PMP22: variants seen among roughly 807,000 people sequenced by gnomAD.
PMP22 encodes the protein Charcot-Marie-Tooth neuropathy 1A (greatly reduced nerve conduction velocity, hereditary motor sensory neuropathy Ia).
PMP22 carries 2 observed loss-of-function variants against 18.9 expected under a neutral mutation model. The observed-to-expected ratio is 0.11, with a 90% CI of 0.04 to 0.33. The LOEUF is 0.33. PMP22 is among the 10% of genes least tolerant of loss of function. The probability of loss-of-function intolerance (pLI) is 1.00; values close to 1 mark genes in which losing one functional copy is unlikely to be tolerated. For missense variants in PMP22, 169 were observed against 202.2 expected, an observed-to-expected ratio of 0.84 and a Z score of 1.00; for synonymous variants, 95 against 89.2, an observed-to-expected ratio of 1.07 and a Z score of -0.37.
intron 3 of PMP22, among the ~76,000 whole-genome samples, chr17:15,249,745 G>A (rs1438203133): frequency 6.6e-6 from 1 of 152,194 alleles, no homozygotes; most frequent in East Asian, 1.9e-4. Flanking sequence ...GAGTCATCGT[G>A]TAGAGGAGAG....
At chr17:15,249,740 A>G (rs1908156962) in intron 3 of PMP22, among the ~76,000 whole-genome samples, 1 of 152,172 alleles carries the variant, frequency 6.6e-6, no homozygotes, top group Admixed American at 6.5e-5. Flanking sequence ...TTGAAGAGTC[A>G]TCGTGTAGAG....
At chr17:15,247,413 C>T (rs1043795055) in intron 3 of PMP22, among the ~76,000 whole-genome samples, 8 of 152,148 alleles carry the variant, frequency 5.3e-5, no homozygotes, top group African/African-American at 1.9e-4. Flanking sequence ...CTTTGCAGGC[C>T]TCCTGTTCTG....
At chr17:15,232,733 G>A (rs1056863360) in intron 4 of PMP22, 8 of 152,150 alleles carry the variant, frequency 5.3e-5, no homozygotes, top group Admixed American at 2.6e-4. Context: ...AACCAGATCT[G>A]GCATGAGAAA....
At chr17:15,253,616 T>C (rs530445763) in intron 3 of PMP22, among the ~76,000 whole-genome samples, 64 of 151,992 alleles carry the variant, frequency 4.2e-4, no homozygotes, top group African/African-American at 1.4e-3. Flanking sequence ...CTAGTGGGGG[T>C]GGGGGGTACC....
At chr17:15,249,221 T>C (rs1908112472) in intron 3 of PMP22, among the ~76,000 whole-genome samples, 2 of 152,124 alleles carry the variant, frequency 1.3e-5, no homozygotes, top group African/African-American at 4.8e-5. Flanking sequence ...GCCACCTCCT[T>C]TTAGGATCCC....
In PMP22 at chr17:15,258,442, C is replaced by A. The variant is rs1254253448; in HGVS notation, c.178+652G>T. ...ATCCCTTAATTTGACCCTCATGAAG[C>A]CTGGCTTCCATATCTCACAAGCAAA... On this transcript the variant is annotated intron_variant, in intron 3 of 4. Transcript: ENST00000312280. This position sits in a 1 kb window ranked among gnomAD's most constrained non-coding sequence, Gnocchi z 4.1. Among the ~76,000 whole-genome samples the A allele has an allele frequency of 1.3e-5, 2 of 152,114 alleles. No homozygotes were observed. The highest frequency in any genetic ancestry group is 2.4e-5 in the African/African-American group (1 of 41,418).
chr17:15,251,993 G>A lies in PMP22; in HGVS notation c.178+7101C>T, dbSNP rs192438434. Among the ~76,000 whole-genome samples the A allele has an allele frequency of 2.1e-3, 323 of 152,120 alleles. 2 individuals carry two copies. The highest frequency in any genetic ancestry group is 2.3e-3 in the South Asian group (11 of 4,810). On this transcript the variant is annotated intron_variant, in intron 3 of 4. Coordinates refer to ENST00000312280, the MANE Select transcript of PMP22 (RefSeq NM_000304.4). ...TCCTGGCATGTTGACAACACATTCC[G>A]TCCTCTGTACCTCCCTTGTACCACC...
At chr17:15,245,017 T>C (rs1362127324) in intron 3 of PMP22, among the ~76,000 whole-genome samples, 2 of 152,142 alleles carry the variant, frequency 1.3e-5, no homozygotes, top group Non-Finnish European at 2.9e-5. Flanking sequence ...GGACTGGGCT[T>C]CCACATGCCC....
At position 15,260,768 on chromosome 17, in the gene PMP22, G is replaced by T; in HGVS notation, c.-34-7C>A. On this transcript the variant is annotated splice_region_variant and splice_polypyrimidine_tract_variant and intron_variant, in intron 1 of 4. Coordinates refer to ENST00000312280, the MANE Select transcript of PMP22 (RefSeq NM_000304.4). ...TGCTCAGCGGAGTTTCTGCCTGCGA[G>T]GAGAGCGCTGGGCGTGAGGCCGAAC... is the stretch of plus-strand genomic sequence containing the variant. 3 of 1,516,012 alleles carry T rather than the reference G, an allele frequency of 2.0e-6. No homozygotes were observed. The highest frequency in any genetic ancestry group is 1.8e-6 in the Non-Finnish European group (2 of 1,114,872). 93.9% of individuals were successfully genotyped at this position (1,516,012 alleles called of 1,614,324 possible).
At chr17:15,241,660 T>C (rs1055332434) in intron 3 of PMP22, among the ~76,000 whole-genome samples, 3 of 152,228 alleles carry the variant, frequency 2.0e-5, no homozygotes, top group Admixed American at 6.5e-5. Context: ...GTCTAATATT[T>C]AATAATATAA....
intron 1 of PMP22, among the ~76,000 whole-genome samples, chr17:15,264,213 G>A (rs1349201950): frequency 1.0e-5 from 1 of 99,052 alleles, no homozygotes; most frequent in Non-Finnish European, 2.1e-5. Context: ...AACTCTGATA[G>A]GTAGGTAGGT....
intron 3 of PMP22, among the ~76,000 whole-genome samples, chr17:15,243,756 T>C (rs904814254): frequency 6.8e-6 from 1 of 147,876 alleles, no homozygotes; most frequent in Non-Finnish European, 1.5e-5. Context: ...TAGAAGTATA[T>C]ATGTTCAAGT....
chr17:15,253,855 A>G (rs888856943), intron 3 of PMP22, among the ~76,000 whole-genome samples: 9 of 152,126 alleles, frequency 5.9e-5, no homozygotes, highest in Non-Finnish European at 1.3e-4. Flanking sequence ...ACCCTGTCTT[A>G]TATAGTTCTT....
rs749165928 is a variant in PMP22, at chr17:15,230,925, G to T, written c.475C>A (p.Arg159Ser). The change falls in exon 5 of 5, where the codon CGC becomes AGC. Residue 159 changes from arginine (R) to serine (S), a missense_variant. Coordinates refer to ENST00000312280, the MANE Select transcript of PMP22 (RefSeq NM_000304.4). ...SGVIYVILRK[R>S]E is the part of the protein sequence containing the mutation. ...CAGACCGTCTGGGCGCCTCATTCGCGTTTCCGCAAGATCACATAGATGACA... is the reference window on the plus strand; with the variant it reads ...CAGACCGTCTGGGCGCCTCATTCGCTTTTCCGCAAGATCACATAGATGACA... 6.2e-7 allele frequency: 1 copy of T among 1,613,992 alleles called. No homozygotes were observed. The highest frequency in any genetic ancestry group is 1.7e-5 in the Admixed American group (1 of 60,032).
chr17:15,240,405 ATT>A (rs59646634), intron 3 of PMP22, among the ~76,000 whole-genome samples: 42,937 of 120,950 alleles, frequency 0.35, 6,526 homozygotes, highest in Middle Eastern at 0.41. Flanking sequence ...GACAACCCGT[ATT>A]TTTTTTTTTT....
At chr17:15,245,715 T>C (rs1451887752) in intron 3 of PMP22, among the ~76,000 whole-genome samples, 1 of 151,782 alleles carries the variant, frequency 6.6e-6, no homozygotes, top group Non-Finnish European at 1.5e-5. Context: ...AGTATGAAAA[T>C]GGGAGCCACA....
intron 2 of PMP22, 30 bp from the exon 3 acceptor site, chr17:15,259,223 C>A: frequency 6.4e-7 from 1 of 1,550,668 alleles, no homozygotes; most frequent in South Asian, 1.1e-5. Flanking sequence ...TATCCTGAGT[C>A]AGGGAGGGAG....
chr17:15,249,132 C>A (rs959261890), intron 3 of PMP22, among the ~76,000 whole-genome samples: 2 of 152,166 alleles, frequency 1.3e-5, no homozygotes, highest in South Asian at 2.1e-4. Context: ...TAAACCAATG[C>A]CCGTTTACAA....
chr17:15,243,451 C>T (rs1907522198), intron 3 of PMP22, among the ~76,000 whole-genome samples: 1 of 151,536 alleles, frequency 6.6e-6, no homozygotes, highest in Non-Finnish European at 1.5e-5. Flanking sequence ...TGAGCAATGA[C>T]AGATAAGAAA....
Sources: gnomAD v4.1 joint callset for allele counts (sites outside exome capture counted in the v4.1 genomes callset) on GRCh38, gnomAD v4.1.1 for gene constraint, Gnocchi (gnomAD v3.1) non-coding constraint, MANE v1.5 for transcripts, NCBI Gene and HGNC (gene_info 2026-07-23, HGNC 2026-07-21) for gene names.